The following P2RY2 variants were observed in gnomAD, a reference collection of about 807,000 sequenced individuals.
P2RY2 encodes P2Y purinoceptor 2.
For synonymous variants in P2RY2, 241 were observed against 231.9 expected, an observed-to-expected ratio of 1.04 and a Z score of -0.35; for missense variants, 567 against 515.7, an observed-to-expected ratio of 1.10 and a Z score of -0.96.
chr11:73,225,191 G>A (rs1344051001), intron 1 of P2RY2, among the ~76,000 whole-genome samples: 1 of 152,222 alleles, frequency 6.6e-6, no homozygotes, highest in Non-Finnish European at 1.5e-5. Context: ...AGCCACTCTA[G>A]TGGAGGGGCT....
At chr11:73,222,074 C>T (rs563353338) in intron 1 of P2RY2, among the ~76,000 whole-genome samples, 3 of 152,156 alleles carry the variant, frequency 2.0e-5, no homozygotes, top group Non-Finnish European at 2.9e-5. Flanking sequence ...GCCTGGGCCC[C>T]GTGGAACAAC....
chr11:73,230,136 T>C (rs1378165084), intron 2 of P2RY2, among the ~76,000 whole-genome samples: 1 of 152,012 alleles, frequency 6.6e-6, no homozygotes, highest in African/African-American at 2.4e-5. Flanking sequence ...TCCTTGCTCC[T>C]CCTGCAGCTT....
rs555222316 is a variant in P2RY2, at chr11:73,235,989, A to C, written c.*696A>C. 4.0e-6 allele frequency: 4 copies of C among 1,000,308 alleles called. No homozygotes were observed. The East Asian group carries it at 4.5e-4, about 113-fold the overall frequency. 62.0% of individuals were successfully genotyped at this position (1,000,308 alleles called of 1,614,324 possible). On this transcript the variant is annotated 3_prime_UTR_variant, in exon 3 of 3. Coordinates refer to ENST00000393597, the MANE Select transcript of P2RY2 (RefSeq NM_002564.4). ...AGGATATGGCAGGGAAGCTTTCACC[A>C]GCCACACAAGGGTCCTTTCTCCAAT...
Position 73,239,828 on chromosome 11 carries a change from A to T in P2RY2, c.*4535A>T, listed in dbSNP as rs1009591330. 3.9e-5 allele frequency: 6 copies of T among 152,332 alleles called. No homozygotes were observed. Among genetic ancestry groups the T allele is most frequent in the Non-Finnish European group, 8.8e-5 (6 of 68,148 alleles). 9.4% of individuals were successfully genotyped at this position (152,332 alleles called of 1,614,324 possible). A position where few individuals can be genotyped will look rare whatever the true frequency, so the allele number is the denominator to read the frequency against. ...TAGGGTGGAGGCAGTGTTTCTCCCC[A>T]GCATCAAGTGACCAGAGAAGTGAAG... On this transcript the variant is annotated 3_prime_UTR_variant, in exon 3 of 3. Coordinates refer to ENST00000393597, the MANE Select transcript of P2RY2 (RefSeq NM_002564.4).
rs1862659239 is a variant in P2RY2, at chr11:73,236,589, C to A, written c.*1296C>A. 16 of 985,396 alleles carry A rather than the reference C, an allele frequency of 1.6e-5. No individual in the cohort carries two copies. Among genetic ancestry groups the A allele is most frequent in the Non-Finnish European group, 1.8e-5 (15 of 829,914 alleles). The allele number at this position is 985,396 out of a possible 1,614,324, so 61.0% of individuals were successfully genotyped here. On this transcript the variant is annotated 3_prime_UTR_variant, in exon 3 of 3. Coordinates refer to ENST00000393597, the MANE Select transcript of P2RY2 (RefSeq NM_002564.4). ...GGGCAGGGTGTGCATGAGCCATAAG[C>A]AGGCTGGACAGCTGACTCCAGGCTC...
In P2RY2 at chr11:73,222,998, G is replaced by C. The variant is rs530290162; in HGVS notation, c.-200+4566G>C. Among the ~76,000 whole-genome samples the C allele has an allele frequency of 2.0e-5, 3 of 152,292 alleles. No individual in the cohort carries two copies. The South Asian group carries it at 6.2e-4, about 32-fold the overall frequency. On this transcript the variant is annotated intron_variant, in intron 1 of 2. Coordinates refer to ENST00000393597, the MANE Select transcript of P2RY2 (RefSeq NM_002564.4). Reference sequence around the variant, plus strand: ...TGGCAAGTGTTTGCTGGGACTTTGTGGTTCCTGGGAATGTGATTTAAGATT... The same window carrying C: ...TGGCAAGTGTTTGCTGGGACTTTGTCGTTCCTGGGAATGTGATTTAAGATT...
chr11:73,223,987 G>A (rs973332525), intron 1 of P2RY2, among the ~76,000 whole-genome samples: 2 of 152,196 alleles, frequency 1.3e-5, no homozygotes, highest in Admixed American at 1.3e-4. Flanking sequence ...GCCTTGGTGA[G>A]TGGCCTCCAC....
rs764293969 is a variant in P2RY2 at position 73,235,119 on chromosome 11, C to G, written c.960C>G (p.Ala320=). Residue 320 remains alanine, a synonymous_variant, in exon 3 of 3, where the codon GCC becomes GCG. Transcript: ENST00000393597. ...GGCTCGTACGCTTTGCCCGAGATGC[C>G]AAGCCACCCACTGGCCCCAGCCCTG... ...GQRLVRFARD[A]KPPTGPSPAT... 1.2e-6 allele frequency: 2 copies of G among 1,607,706 alleles called. No individual in the cohort carries two copies. Among genetic ancestry groups the G allele is most frequent in the South Asian group, 1.1e-5 (1 of 90,898 alleles).
In P2RY2 at chr11:73,235,069, G is replaced by A. The variant is rs1305535739; in HGVS notation, c.910G>A (p.Val304Met). ...LASANSCLDP[V>M]LYFLAGQRLV... is the part of the protein sequence containing the mutation. ...CAGTGCTAACAGTTGCCTTGACCCCGTGCTCTACTTCCTGGCTGGGCAGAG... is the reference window on the plus strand; with the variant it reads ...CAGTGCTAACAGTTGCCTTGACCCCATGCTCTACTTCCTGGCTGGGCAGAG... The change falls in exon 3 of 3, where the codon GTG becomes ATG. Residue 304 changes from valine to methionine, a missense_variant. Physicochemically the swap from Val to Met is conservative, Grantham distance 21 (BLOSUM62 1). Coordinates refer to ENST00000393597, the MANE Select transcript of P2RY2 (RefSeq NM_002564.4). The A allele has an allele frequency of 5.6e-6, 9 of 1,607,952 alleles. No individual in the cohort carries two copies. The highest frequency in any genetic ancestry group is 2.2e-5 in the East Asian group (1 of 44,874).
At position 73,234,598 on chromosome 11, in the gene P2RY2, G is replaced by GC. The variant is rs745511995; in HGVS notation, c.442dup (p.Arg148ProfsTer91). 1 of 1,567,932 alleles carries GC rather than the reference G, an allele frequency of 6.4e-7. No homozygotes were observed. The highest frequency in any genetic ancestry group is 1.4e-5 in the African/African-American group (1 of 74,040). ...TCTGCGCTCCCTGCGCTGGGGCCGG[G>GC]CCCGCTACGCTCGCCGGGTGGCCGG... On this transcript the variant is annotated frameshift_variant, in exon 3 of 3. Coordinates refer to ENST00000393597, the MANE Select transcript of P2RY2 (RefSeq NM_002564.4). LOFTEE classifies it low-confidence loss of function (END_TRUNC).
chr11:73,235,068 C>A lies in P2RY2; in HGVS notation c.909C>A (p.Pro303=), dbSNP rs1297516755. 1.4e-5 allele frequency: 23 copies of A among 1,607,970 alleles called. No individual in the cohort carries two copies. Among genetic ancestry groups the A allele is most frequent in the Non-Finnish European group, 1.8e-5 (21 of 1,179,614 alleles). The part of the protein sequence containing the change: ...PLASANSCLD[P]VLYFLAGQRL... ...CCAGTGCTAACAGTTGCCTTGACCC[C>A]GTGCTCTACTTCCTGGCTGGGCAGA... Residue 303 remains proline, a synonymous_variant, in exon 3 of 3, where the codon CCC becomes CCA. Transcript: ENST00000393597.
rs1362449432 is a variant in P2RY2 at position 73,240,573 on chromosome 11, C to G, written c.*5280C>G. On this transcript the variant is annotated 3_prime_UTR_variant, in exon 3 of 3. Coordinates refer to ENST00000393597, the MANE Select transcript of P2RY2 (RefSeq NM_002564.4). ...GGCAGGGACCCCAGGGATTGTTTGG[C>G]TGCTTAGTGGGACTGGTGGCCCAGA... The G allele has an allele frequency of 1.3e-5, 2 of 152,326 alleles. No homozygotes were observed. Among genetic ancestry groups the G allele is most frequent in the African/African-American group, 2.4e-5 (1 of 41,462 alleles). 9.4% of individuals were successfully genotyped at this position (152,326 alleles called of 1,614,324 possible).
In P2RY2 at chr11:73,234,711, C is replaced by T. The variant is rs35545480; in HGVS notation, c.552C>T (p.His184=). The stretch of plus-strand genomic sequence containing the variant: ...CGCGCGGGGGCCGCGTAACCTGCCA[C>T]GACACCTCGGCACCCGAGCTCTTCA... ...TSARGGRVTC[H]DTSAPELFSR... The change falls in exon 3 of 3, where the codon CAC becomes CAT. Residue 184 remains histidine, a synonymous_variant. Transcript: ENST00000393597. 4,652 of 1,607,530 alleles carry T rather than the reference C, an allele frequency of 2.9e-3. 134 individuals are homozygous for T. The African/African-American group carries it at 0.057, about 20-fold the overall frequency.
chr11:73,228,233 G>A (rs1272385500), intron 2 of P2RY2, 58 bp downstream of exon 2: 1 of 151,824 alleles, frequency 6.6e-6, no homozygotes, highest in African/African-American at 2.4e-5. Context: ...GAGGGCGGGT[G>A]TGCTGTCTTG....
Position 73,234,214 on chromosome 11 carries a change from G to T in P2RY2, c.55G>T (p.Asp19Tyr). The T allele has an allele frequency of 6.2e-7, 1 of 1,614,138 alleles. No individual in the cohort carries two copies. Among genetic ancestry groups the T allele is most frequent in the East Asian group, 2.2e-5 (1 of 44,878 alleles). Residue 19 changes from aspartate (D) to tyrosine (Y), a missense_variant, in exon 3 of 3, where the codon GAT becomes TAT. Asp to Tyr is a radical substitution (Grantham distance 160). Coordinates refer to ENST00000393597, the MANE Select transcript of P2RY2 (RefSeq NM_002564.4). ...CACCATCAATGGCACCTGGGATGGG[G>T]ATGAGCTGGGCTACAGGTGCCGCTT... ...NDTINGTWDG[D>Y]ELGYRCRFNE...
intron 2 of P2RY2, among the ~76,000 whole-genome samples, chr11:73,230,857 G>A (rs1237856723): frequency 1.4e-5 from 2 of 147,110 alleles, no homozygotes; most frequent in African/African-American, 5.0e-5. Context: ...GGTAGGAGCG[G>A]CAGGAGGATT....
At chr11:73,226,851 G>T (rs2135635506) in intron 1 of P2RY2, among the ~76,000 whole-genome samples, 1 of 152,246 alleles carries the variant, frequency 6.6e-6, no homozygotes, top group East Asian at 1.9e-4. Flanking sequence ...TCTAGTCTTG[G>T]CTCTGTCCCT....
At chr11:73,234,063 T>C in intron 2 of P2RY2, 93 bp from the exon 3 acceptor site, 1 of 1,464,056 alleles carries the variant, frequency 6.8e-7, no homozygotes, top group Non-Finnish European at 9.1e-7. Context: ...CCAAGTCAGA[T>C]GGCAATGAAA....
Position 73,240,934 on chromosome 11 carries a change from A to G in P2RY2, c.*5641A>G, listed in dbSNP as rs1169548585. ...TGAATGTTTGTGTCCCCCGCCCCAC[A>G]AATCCATATGTCAAAATCCCAACTG... On this transcript the variant is annotated 3_prime_UTR_variant, in exon 3 of 3. Transcript: ENST00000393597. 1 of 152,274 alleles carries G rather than the reference A, an allele frequency of 6.6e-6. No homozygotes were observed. The highest frequency in any genetic ancestry group is 1.9e-4 in the East Asian group (1 of 5,202). The allele number at this position is 152,274 out of a possible 1,614,324, so 9.4% of individuals were successfully genotyped here. A position where few individuals can be genotyped will look rare whatever the true frequency, so the allele number is the denominator to read the frequency against.
Sources: gnomAD v4.1 joint callset for allele counts (sites outside exome capture counted in the v4.1 genomes callset) on GRCh38, gnomAD v4.1.1 for gene constraint, MANE v1.5 for transcripts, NCBI Gene and HGNC (gene_info 2026-07-23, HGNC 2026-07-21) for gene names.